Variants in RNASE4 observed in about 807,000 individuals in gnomAD.
RNASE4 encodes the protein ribonuclease A family member 4.
For missense variants in RNASE4, 194 were observed against 192.8 expected (o/e 1.01, Z -0.04); for synonymous variants, 93 against 71.4 (o/e 1.30, Z -1.52).
intron 1 of RNASE4, among the ~76,000 whole-genome samples, chr14:20,692,957 C>A (rs1025694599): frequency 2.0e-5 from 3 of 152,062 alleles, no homozygotes; most frequent in Admixed American, 2.0e-4. Context: ...ACGCCATTCT[C>A]CTGCCTCAGC....
chr14:20,693,955 T>TTTC, intron 1 of RNASE4: 3 of 1,614,106 alleles, frequency 1.9e-6, no homozygotes, highest in Non-Finnish European at 2.5e-6. Context: ...TGTTGTTGCT[T>TTTC]GTGAAAATGG....
rs1324667558 is a variant in RNASE4, at chr14:20,700,265, C to T, written c.*450C>T. ...TGAGACAAAAATCCAGTGTAGCTGG[C>T]CACTTATCCAGGGCTTTTTCTACTT... On this transcript the variant is annotated 3_prime_UTR_variant, in exon 2 of 2. Transcript: ENST00000555835. The T allele has an allele frequency of 1.8e-5, 3 of 168,396 alleles. No individual in the cohort carries two copies. The highest frequency in any genetic ancestry group is 4.3e-5 in the Non-Finnish European group (3 of 69,064). The allele number at this position is 168,396 out of a possible 1,614,324, so 10.4% of individuals were successfully genotyped here.
intron 1 of RNASE4, chr14:20,698,874 A>C (rs1471752801): frequency 6.6e-6 from 1 of 152,546 alleles, no homozygotes; most frequent in African/African-American, 2.4e-5. Context: ...AGATTCCCAG[A>C]TGTAAGGTAT....
At chr14:20,696,086 C>T (rs1888560) in intron 1 of RNASE4, among the ~76,000 whole-genome samples, 45,313 of 152,064 alleles carry the variant, frequency 0.3, 6,952 homozygotes, top group South Asian at 0.33. Context: ...TCAAGATCAT[C>T]GCTGCCACTC....
At position 20,699,973 on chromosome 14, in the gene RNASE4, A is replaced by G. The variant is rs1887241658; in HGVS notation, c.*158A>G. On this transcript the variant is annotated 3_prime_UTR_variant, in exon 2 of 2. Transcript: ENST00000555835. ...CATTCTATTAAATACATTGCACCAA[A>G]GAGATATGGAGACATAAACCTGTAA... is the stretch of plus-strand genomic sequence containing the variant. 2 of 651,258 alleles carry G rather than the reference A, an allele frequency of 3.1e-6. No homozygotes were observed. Among genetic ancestry groups the G allele is most frequent in the Admixed American group, 2.9e-5 (1 of 33,980 alleles). 40.3% of individuals were successfully genotyped at this position (651,258 alleles called of 1,614,324 possible). A position where few individuals can be genotyped will look rare whatever the true frequency, so the allele number is the denominator to read the frequency against.
chr14:20,685,001 T>C (rs542631608), intron 1 of RNASE4, among the ~76,000 whole-genome samples: 1 of 152,290 alleles, frequency 6.6e-6, no homozygotes, highest in Non-Finnish European at 1.5e-5. Flanking sequence ...TTCTATTGAT[T>C]AGTAGGCTTG....
chr14:20,699,438 G>A lies in RNASE4; in HGVS notation c.67G>A (p.Val23Ile). ...LLLTLLGLGL[V>I]QPSYGQDGMY... is the part of the protein sequence containing the mutation. Reference sequence around the variant, plus strand: ...GCTGACCCTGCTGGGGCTGGGGCTGGTCCAGCCCTCCTATGGCCAGGATGG... The same window carrying A: ...GCTGACCCTGCTGGGGCTGGGGCTGATCCAGCCCTCCTATGGCCAGGATGG... Residue 23 changes from valine to isoleucine, a missense_variant, in exon 2 of 2, where the codon GTC becomes ATC. By Grantham distance (29) the Val-to-Ile change is conservative. Transcript: ENST00000555835. 1 of 1,612,748 alleles carries A rather than the reference G, an allele frequency of 6.2e-7. No individual in the cohort carries two copies. Among genetic ancestry groups the A allele is most frequent in the Non-Finnish European group, 8.5e-7 (1 of 1,179,134 alleles).
At chr14:20,697,528 A>T (rs1887134349) in intron 1 of RNASE4, among the ~76,000 whole-genome samples, 1 of 152,222 alleles carries the variant, frequency 6.6e-6, no homozygotes, top group African/African-American at 2.4e-5. Flanking sequence ...TGGATATAGG[A>T]GGTGGCATTT....
chr14:20,693,082 C>T (rs1250025598), intron 1 of RNASE4, among the ~76,000 whole-genome samples: 1 of 151,870 alleles, frequency 6.6e-6, no homozygotes, highest in Non-Finnish European at 1.5e-5. Context: ...CTCCTGACCT[C>T]GTGATCCGCC....
rs1887253509 is a variant in RNASE4, at chr14:20,700,362, A to C, written c.*547A>C. 1 of 167,156 alleles carries C rather than the reference A, an allele frequency of 6.0e-6. No individual in the cohort carries two copies. The highest frequency in any genetic ancestry group is 2.4e-5 in the African/African-American group (1 of 41,450). 10.4% of individuals were successfully genotyped at this position (167,156 alleles called of 1,614,324 possible). ...ATTCACCTGTCAGGGAGGCATTAAA[A>C]ATTTGGAAATGTATGCCAGCAAAAT... On this transcript the variant is annotated 3_prime_UTR_variant, in exon 2 of 2. Coordinates refer to ENST00000555835, the MANE Select transcript of RNASE4 (RefSeq NM_002937.5).
rs762658222 is a variant in RNASE4, at chr14:20,699,541, T to A, written c.170T>A (p.Met57Lys). The change falls in exon 2 of 2, where the codon ATG becomes AAG. Residue 57 changes from methionine (M) to lysine (K), a missense_variant. Physicochemically the swap from Met to Lys is moderately conservative, Grantham distance 95. Transcript: ENST00000555835. ...AGTGATCGCTACTGCAACTTGATGA[T>A]GCAAAGACGGAAGATGACTTTGTAT... Reference protein sequence around the residue: ...GGSDRYCNLMMQRRKMTLYHC... With the variant: ...GGSDRYCNLMKQRRKMTLYHC... The A allele has an allele frequency of 6.2e-7, 1 of 1,614,214 alleles. No individual in the cohort carries two copies. The highest frequency in any genetic ancestry group is 1.7e-5 in the Admixed American group (1 of 60,030).
chr14:20,691,561 A>G (rs190817770), intron 1 of RNASE4, among the ~76,000 whole-genome samples: 11 of 152,272 alleles, frequency 7.2e-5, no homozygotes, highest in South Asian at 2.1e-4. Flanking sequence ...CCATTCTACA[A>G]TCATGTACCT....
In RNASE4 at chr14:20,694,611, A is replaced by G. The variant is rs191369960; in HGVS notation, c.-17-4744A>G. 1.5e-3 allele frequency among the ~76,000 whole-genome samples: 233 copies of G among 151,954 alleles called. 1 individual carries two copies. Among genetic ancestry groups the G allele is most frequent in the African/African-American group, 5.0e-3 (208 of 41,440 alleles). On this transcript the variant is annotated intron_variant, in intron 1 of 1. Coordinates refer to ENST00000555835, the MANE Select transcript of RNASE4 (RefSeq NM_002937.5). ...CACTGAGCCGGGCCACTTTTTCCTTATCAGTCAGTTTTTACAAGTCATTAG... is the reference window on the plus strand; with the variant it reads ...CACTGAGCCGGGCCACTTTTTCCTTGTCAGTCAGTTTTTACAAGTCATTAG...
At chr14:20,696,217 C>G (rs1227778377) in intron 1 of RNASE4, among the ~76,000 whole-genome samples, 2 of 152,176 alleles carry the variant, frequency 1.3e-5, no homozygotes, top group South Asian at 2.1e-4. Context: ...ATAGTTTGCT[C>G]TGGTGTTCAG....
rs1039151098 is a variant in RNASE4 at position 20,687,471 on chromosome 14, G to A, written c.-18+2713G>A. ...GCTTGAATTGGTGCTTCAGGCCATG[G>A]GGCTGTGTGTGTGCAGGCGCATATG... On this transcript the variant is annotated intron_variant, in intron 1 of 1. Coordinates refer to ENST00000555835, the MANE Select transcript of RNASE4 (RefSeq NM_002937.5). 2.6e-4 allele frequency among the ~76,000 whole-genome samples: 39 copies of A among 152,196 alleles called. 1 individual carries two copies. Among genetic ancestry groups the A allele is most frequent in the African/African-American group, 9.4e-4 (39 of 41,450 alleles).
At position 20,699,949 on chromosome 14, in the gene RNASE4, A is replaced by C; in HGVS notation, c.*134A>C. The C allele has an allele frequency of 1.4e-6, 1 of 723,240 alleles. No homozygotes were observed. Among genetic ancestry groups the C allele is most frequent in the Non-Finnish European group, 2.3e-6 (1 of 425,760 alleles). 44.8% of individuals were successfully genotyped at this position (723,240 alleles called of 1,614,324 possible). A position where few individuals can be genotyped will look rare whatever the true frequency, so the allele number is the denominator to read the frequency against. ...CCTACTCTTTTTCTCTATATAACTC[A>C]TTCTATTAAATACATTGCACCAAAG... On this transcript the variant is annotated 3_prime_UTR_variant, in exon 2 of 2. Transcript: ENST00000555835.
chr14:20,693,626 C>A lies in RNASE4; in HGVS notation c.-17-5729C>A, dbSNP rs773237991. On this transcript the variant is annotated intron_variant, in intron 1 of 1. Coordinates refer to ENST00000555835, the MANE Select transcript of RNASE4 (RefSeq NM_002937.5). ...GTGCTGGGTCTGGGTCTGACCCCAC[C>A]GACCCTGGCTCAGGATAACTCCAGG... The A allele has an allele frequency of 6.1e-5, 99 of 1,613,898 alleles. 1 individual carries two copies. The East Asian group carries it at 2.2e-3, about 36-fold the overall frequency.
chr14:20,689,636 G>T (rs533488693), intron 1 of RNASE4, among the ~76,000 whole-genome samples: 14 of 152,192 alleles, frequency 9.2e-5, no homozygotes, highest in Non-Finnish European at 2.1e-4. Flanking sequence ...AACAGTTGGG[G>T]CCAGGTGTGG....
intron 1 of RNASE4, chr14:20,694,082 T>C: frequency 6.4e-7 from 1 of 1,556,474 alleles, no homozygotes. Context: ...AGAACAGTGG[T>C]GGCAACATTC....
Sources: gnomAD v4.1 joint callset for allele counts (sites outside exome capture counted in the v4.1 genomes callset) on GRCh38, gnomAD v4.1.1 for gene constraint, MANE v1.5 for transcripts, NCBI Gene and HGNC (gene_info 2026-07-23, HGNC 2026-07-21) for gene names.